Variants in SUGCT observed in about 807,000 individuals in gnomAD.
SUGCT encodes succinyl-CoA:glutarate CoA-transferase.
A neutral mutation model predicts 55.0 loss-of-function variants in SUGCT; 41 were observed. The observed-to-expected ratio is 0.74, with a 90% CI of 0.58 to 0.97. The LOEUF (loss-of-function observed/expected upper bound fraction) is 0.97. SUGCT is among the 50% of genes least tolerant of loss of function. SUGCT has a pLI of 0.00. For synonymous variants in SUGCT, 187 were observed against 200.4 expected, an observed-to-expected ratio of 0.93 and a Z score of 0.56; for missense variants, 568 against 547.8, an observed-to-expected ratio of 1.04 and a Z score of -0.37.
At chr7:41,038,691 A>G in the SUGCT span, among the ~76,000 whole-genome samples, 2 of 152,118 alleles carry the variant, frequency 1.3e-5, no homozygotes, top group Middle Eastern at 3.2e-3. Context: ...AGGAGAACAC[A>G]TTAATCAATG....
chr7:40,283,032 A>G (rs1793072612), intron 8 of SUGCT, among the ~76,000 whole-genome samples: 1 of 152,116 alleles, frequency 6.6e-6, no homozygotes, highest in Admixed American at 6.6e-5. Flanking sequence ...AACTAGACAA[A>G]CAAGATTGCA....
intron 9 of SUGCT, among the ~76,000 whole-genome samples, chr7:40,400,889 A>G (rs968913351): frequency 9.2e-5 from 14 of 152,264 alleles, no homozygotes; most frequent in African/African-American, 3.1e-4. Flanking sequence ...AGGTGGGGAA[A>G]AGATTTTTGC....
chr7:40,618,914 G>A (rs945738445), intron 12 of SUGCT, among the ~76,000 whole-genome samples: 1 of 152,138 alleles, frequency 6.6e-6, no homozygotes, highest in Non-Finnish European at 1.5e-5. Context: ...ACAATTATAA[G>A]TCTGAACTTA....
chr7:40,854,853 G>A (rs1199827675), intron 13 of SUGCT, among the ~76,000 whole-genome samples: 4 of 151,714 alleles, frequency 2.6e-5, no homozygotes, highest in South Asian at 2.1e-4. Flanking sequence ...ACAAGATCCC[G>A]TGAGCCCAGG....
chr7:40,765,466 G>A (rs200907970), intron 13 of SUGCT, among the ~76,000 whole-genome samples: 188 of 137,046 alleles, frequency 1.4e-3, no homozygotes, highest in Non-Finnish European at 1.7e-3. Context: ...TGCCATTAAA[G>A]AAAAAAAAAA....
intron 13 of SUGCT, among the ~76,000 whole-genome samples, chr7:40,814,579 C>T (rs986565302): frequency 8.6e-5 from 13 of 151,322 alleles, no homozygotes; most frequent in Non-Finnish European, 1.6e-4. Flanking sequence ...AAGATGTTTA[C>T]CTCTTCCTTC....
At chr7:40,243,285 A>G (rs1021842480) in intron 7 of SUGCT, among the ~76,000 whole-genome samples, 1 of 152,018 alleles carries the variant, frequency 6.6e-6, no homozygotes, top group Non-Finnish European at 1.5e-5. Context: ...TTAAACATCA[A>G]GAAGAATTAT....
chr7:40,832,553 G>GTTTTTTTTTTTTT (rs1420713072), intron 13 of SUGCT, among the ~76,000 whole-genome samples: 1 of 133,578 alleles, frequency 7.5e-6, no homozygotes, highest in Non-Finnish European at 1.6e-5. Context: ...GTTTTCCAGG[G>GTTTTTTTTTTTTT]TTTTTTTTGT....
the SUGCT span, among the ~76,000 whole-genome samples, chr7:40,866,457 A>G: frequency 4.0e-5 from 6 of 150,866 alleles, no homozygotes; most frequent in Middle Eastern, 3.4e-3. Flanking sequence ...AAGAATCACT[A>G]TCTCTAGAGG....
At chr7:40,247,631 A>G (rs146781613) in intron 7 of SUGCT, among the ~76,000 whole-genome samples, 1 of 152,146 alleles carries the variant, frequency 6.6e-6, no homozygotes, top group Non-Finnish European at 1.5e-5. Flanking sequence ...CAATTCCCTG[A>G]TGAGTTAAGA....
chr7:40,501,353 A>T (rs1419790383), intron 12 of SUGCT, among the ~76,000 whole-genome samples: 1 of 152,172 alleles, frequency 6.6e-6, no homozygotes, highest in African/African-American at 2.4e-5. Flanking sequence ...GTTTTTTATT[A>T]ATATATAAAG....
chr7:40,320,447 A>G (rs1795666810), intron 9 of SUGCT, among the ~76,000 whole-genome samples: 1 of 152,184 alleles, frequency 6.6e-6, no homozygotes, highest in Non-Finnish European at 1.5e-5. Flanking sequence ...ATTATACTTA[A>G]AGACAGTAGG....
the SUGCT span, among the ~76,000 whole-genome samples, chr7:40,894,984 C>T: frequency 2.6e-5 from 4 of 152,142 alleles, no homozygotes; most frequent in Admixed American, 6.5e-5. Context: ...GAATATAAAT[C>T]GTTCTACCAT....
intron 12 of SUGCT, among the ~76,000 whole-genome samples, chr7:40,657,170 T>A (rs1184620472): frequency 6.6e-6 from 1 of 152,174 alleles, no homozygotes; most frequent in Non-Finnish European, 1.5e-5. Context: ...TTTAAAGCTA[T>A]AAATCAAATT....
At chr7:40,186,626 T>C (rs117964641) in intron 3 of SUGCT, among the ~76,000 whole-genome samples, 1 of 152,302 alleles carries the variant, frequency 6.6e-6, no homozygotes, top group East Asian at 1.9e-4. Context: ...GAGCATATTA[T>C]ATTTATGTAT....
At chr7:40,334,295 T>C (rs1350565593) in intron 9 of SUGCT, among the ~76,000 whole-genome samples, 1 of 152,180 alleles carries the variant, frequency 6.6e-6, no homozygotes, top group African/African-American at 2.4e-5. Context: ...CAAATGGTAT[T>C]TCTAGTTCTA....
chr7:40,290,962 C>T lies in SUGCT; in HGVS notation c.720+16306C>T, dbSNP rs577596486. 3.3e-5 allele frequency among the ~76,000 whole-genome samples: 5 copies of T among 152,196 alleles called. No homozygotes were observed. The South Asian group carries it at 8.3e-4, about 25-fold the overall frequency. On this transcript the variant is annotated intron_variant, in intron 8 of 13. Transcript: ENST00000335693. ...AAATCAAAACCACAATGAGATACCA[C>T]CTCCCACCAGTTAGAATGGCGATCA...
At chr7:40,662,904 CA>C (rs1168823107) in intron 12 of SUGCT, among the ~76,000 whole-genome samples, 2 of 152,132 alleles carry the variant, frequency 1.3e-5, no homozygotes, top group African/African-American at 2.4e-5. Flanking sequence ...TGTCTAGTGC[CA>C]GGAACGGAGC....
the SUGCT span, among the ~76,000 whole-genome samples, chr7:40,946,749 G>A: frequency 2.0e-5 from 3 of 152,016 alleles, no homozygotes; most frequent in Non-Finnish European, 2.9e-5. Flanking sequence ...TTTTCTTTCA[G>A]TACTTCTATT....
Sources: gnomAD v4.1 joint callset for allele counts (sites outside exome capture counted in the v4.1 genomes callset) on GRCh38, gnomAD v4.1.1 for gene constraint, MANE v1.5 for transcripts, NCBI Gene and HGNC (gene_info 2026-07-23, HGNC 2026-07-21) for gene names.